The following CDK5RAP2 variants were observed in gnomAD, a reference collection of about 807,000 sequenced individuals.
The protein encoded by CDK5RAP2 is CDK5 regulatory subunit associated protein 2, also known as CDK5 regulatory subunit-associated protein 2.
Under a neutral mutation model 232.9 loss-of-function variants are expected in CDK5RAP2, and 147 were observed. The observed-to-expected ratio is 0.63, with a 90% CI of 0.55 to 0.72. The LOEUF (loss-of-function observed/expected upper bound fraction) is 0.72, where lower values mean the gene tolerates loss of function less well. Ranked by LOEUF, CDK5RAP2 falls within the 30% of genes least tolerant of loss-of-function variation. The pLI, the probability that CDK5RAP2 is intolerant of heterozygous loss-of-function variation, is 0.00. For missense variants in CDK5RAP2, 2,195 were observed against 2,231.5 expected, an observed-to-expected ratio of 0.98 and a Z score of 0.33; for synonymous variants, 833 against 833.7, an observed-to-expected ratio of 1.00 and a Z score of 0.01.
At chr9:120,473,782 CTG>C (rs1466985529) in intron 15 of CDK5RAP2, among the ~76,000 whole-genome samples, 1 of 152,206 alleles carries the variant, frequency 6.6e-6, no homozygotes, top group Non-Finnish European at 1.5e-5. Flanking sequence ...AAAAAAGAGA[CTG>C]TTTTAGAGAA....
At chr9:120,416,336 T>C (rs1259351286) in intron 27 of CDK5RAP2, among the ~76,000 whole-genome samples, 1 of 152,184 alleles carries the variant, frequency 6.6e-6, no homozygotes, top group Non-Finnish European at 1.5e-5. Context: ...TTGGATTAAT[T>C]TGCTAGACCA....
chr9:120,424,786 G>A (rs554260001), intron 25 of CDK5RAP2, among the ~76,000 whole-genome samples: 2 of 149,960 alleles, frequency 1.3e-5, no homozygotes, highest in African/African-American at 4.9e-5. Flanking sequence ...TGCAACCTCT[G>A]CCTCCTGGGT....
intron 12 of CDK5RAP2, among the ~76,000 whole-genome samples, chr9:120,496,927 A>G (rs1337427536): frequency 7.1e-6 from 1 of 141,052 alleles, no homozygotes; most frequent in African/African-American, 3.0e-5. Context: ...CAGCTCATTG[A>G]GAACGGGCCA....
In CDK5RAP2 at chr9:120,453,589, T is replaced by C. The variant is rs764475914; in HGVS notation, c.2660A>G (p.His887Arg). The C allele has an allele frequency of 6.2e-7, 1 of 1,614,210 alleles. No individual in the cohort carries two copies. Among genetic ancestry groups the C allele is most frequent in the Non-Finnish European group, 8.5e-7 (1 of 1,180,038 alleles). The change falls in exon 21 of 38, where the codon CAT (histidine) becomes CGT (arginine). Residue 887 changes from histidine (H) to arginine (R), a missense_variant. Physicochemically the swap from His to Arg is conservative, Grantham distance 29 (BLOSUM62 0). Coordinates refer to ENST00000349780, the MANE Select transcript of CDK5RAP2 (RefSeq NM_018249.6). ...TTCCCAAGCCTCTCTTGTTGCTTCA[T>C]GCTTGAATCTCAGCAGGTCGCCCTC... ...ATEGDLLRFKHEATREAWEEK... is the reference protein window; with the variant it reads ...ATEGDLLRFKREATREAWEEK...
At chr9:120,474,074 G>C (rs1028692136) in intron 15 of CDK5RAP2, among the ~76,000 whole-genome samples, 7 of 152,212 alleles carry the variant, frequency 4.6e-5, no homozygotes, top group Non-Finnish European at 5.9e-5. Context: ...TACTGGGCAA[G>C]CCAGTTCAAC....
intron 28 of CDK5RAP2, among the ~76,000 whole-genome samples, chr9:120,412,401 A>C (rs1427424813): frequency 6.6e-6 from 1 of 152,242 alleles, no homozygotes; most frequent in African/African-American, 2.4e-5. Context: ...CCCTGCAGTG[A>C]GGACATGGTC....
At chr9:120,414,500 G>C (rs1039545280) in intron 28 of CDK5RAP2, among the ~76,000 whole-genome samples, 6 of 152,034 alleles carry the variant, frequency 3.9e-5, no homozygotes, top group Non-Finnish European at 8.8e-5. Context: ...AATATATGCT[G>C]GTATTTGCAT....
At chr9:120,460,021 T>C (rs760719847) in intron 19 of CDK5RAP2, among the ~76,000 whole-genome samples, 14 of 152,154 alleles carry the variant, frequency 9.2e-5, no homozygotes, top group Non-Finnish European at 2.1e-4. Flanking sequence ...AAGAGTGCTC[T>C]ATGTGTACGG....
At chr9:120,429,776 A>C (rs1445115547) in intron 25 of CDK5RAP2, among the ~76,000 whole-genome samples, 1 of 152,200 alleles carries the variant, frequency 6.6e-6, no homozygotes, top group African/African-American at 2.4e-5. Context: ...GTTCATATGG[A>C]ACCAAAAAAG....
intron 13 of CDK5RAP2, among the ~76,000 whole-genome samples, chr9:120,488,829 T>C (rs553255954): frequency 6.6e-6 from 1 of 152,334 alleles, no homozygotes; most frequent in African/African-American, 2.4e-5. Flanking sequence ...CTTAGAGAAA[T>C]CCCAACTGAA....
chr9:120,402,166 G>T (rs544232778), intron 34 of CDK5RAP2, among the ~76,000 whole-genome samples: 1 of 152,044 alleles, frequency 6.6e-6, no homozygotes, highest in African/African-American at 2.4e-5. Context: ...GATGGCACAC[G>T]CCTGTGGTCA....
At chr9:120,417,300 G>A (rs772095871) in intron 27 of CDK5RAP2, among the ~76,000 whole-genome samples, 3 of 110,278 alleles carry the variant, frequency 2.7e-5, no homozygotes, top group Non-Finnish European at 3.8e-5. Flanking sequence ...CTTAAACTCC[G>A]GGCGCCCACA....
At chr9:120,493,631 T>A (rs1168525484) in intron 12 of CDK5RAP2, among the ~76,000 whole-genome samples, 1 of 152,138 alleles carries the variant, frequency 6.6e-6, no homozygotes, top group African/African-American at 2.4e-5. Context: ...AAACTACCAC[T>A]TTAGATGGTA....
Position 120,400,806 on chromosome 9 carries a change from C to G in CDK5RAP2, c.5387G>C (p.Arg1796Pro), listed in dbSNP as rs1193813805. ...AKLTLEEAYR[R>P]LKLLWRVSLP... ...TGAGACTCTCCAGAGAAGCTTCAGC[C>G]GCCTGTAGGCCTCTTCCAGGGTCAG... The change falls in exon 35 of 38, where the codon CGG becomes CCG. Residue 1796 changes from arginine (R) to proline (P), a missense_variant. Arg to Pro is a moderately radical substitution (Grantham distance 103). Coordinates refer to ENST00000349780, the MANE Select transcript of CDK5RAP2 (RefSeq NM_018249.6). 1.2e-6 allele frequency: 2 copies of G among 1,614,170 alleles called. 1 individual carries two copies. The highest frequency in any genetic ancestry group is 2.2e-5 in the South Asian group (2 of 91,082).
chr9:120,545,850 A>G, intron 4 of CDK5RAP2, 60 bp from the exon 5 acceptor site: 2 of 1,312,792 alleles, frequency 1.5e-6, no homozygotes, highest in African/African-American at 1.4e-5. Context: ...TATGAATGTC[A>G]ACAATGGGGA....
At chr9:120,405,683 G>A (rs1366277462) in intron 32 of CDK5RAP2, among the ~76,000 whole-genome samples, 2 of 152,186 alleles carry the variant, frequency 1.3e-5, no homozygotes, top group Non-Finnish European at 2.9e-5. Flanking sequence ...CCAAACTTAT[G>A]AGGTTCCCCT....
At chr9:120,577,247 G>C (rs767923053) in intron 1 of CDK5RAP2, among the ~76,000 whole-genome samples, 2 of 151,924 alleles carry the variant, frequency 1.3e-5, no homozygotes, top group Admixed American at 6.6e-5. Context: ...CTGTAGTCCC[G>C]GCCACTAAGT....
At position 120,437,502 on chromosome 9, in the gene CDK5RAP2, C is replaced by T; in HGVS notation, c.3748G>A (p.Ala1250Thr). The T allele has an allele frequency of 1.2e-6, 2 of 1,613,714 alleles. No homozygotes were observed. Among genetic ancestry groups the T allele is most frequent in the Non-Finnish European group, 1.7e-6 (2 of 1,179,644 alleles). Reference protein sequence around the residue: ...PRYDSLVQSQARELSLQRQQI... With the variant: ...PRYDSLVQSQTRELSLQRQQI... ...TGCCGTTGAAGGGAGAGCTCCCTGG[C>T]TTGGGACTGAACTAATGAATCGTAT... Residue 1250 changes from alanine (A) to threonine (T), a missense_variant, in exon 25 of 38, where the codon GCC becomes ACC. By Grantham distance (58) the Ala-to-Thr change is moderately conservative. Coordinates refer to ENST00000349780, the MANE Select transcript of CDK5RAP2 (RefSeq NM_018249.6).
intron 25 of CDK5RAP2, among the ~76,000 whole-genome samples, chr9:120,423,130 T>C (rs2034670212): frequency 6.6e-6 from 1 of 152,256 alleles, no homozygotes; most frequent in Non-Finnish European, 1.5e-5. Flanking sequence ...CCATTCTTTT[T>C]TTCATGCATT....
Sources: allele counts gnomAD v4.1 joint callset (sites outside exome capture counted in the v4.1 genomes callset), GRCh38; gene constraint gnomAD v4.1.1; transcripts MANE v1.5; gene names NCBI Gene and HGNC (gene_info 2026-07-23, HGNC 2026-07-21).